ASIC2: variants seen among roughly 807,000 people sequenced by gnomAD.
ASIC2 encodes the protein acid-sensing ion channel 2.
Under a neutral mutation model 57.3 loss-of-function variants are expected in ASIC2, and 25 were observed. The observed-to-expected ratio is 0.44, with a 90% confidence interval of 0.32 to 0.61. ASIC2 has a LOEUF of 0.61. Among genes scored for constraint, ASIC2 ranks in the 20% least tolerant of loss-of-function variants. The pLI is 0.06. For synonymous variants in ASIC2, 319 were observed against 307.5 expected (o/e 1.04, Z -0.39); for missense variants, 641 against 738.1 (o/e 0.87, Z 1.52).
intron 1 of ASIC2, among the ~76,000 whole-genome samples, chr17:33,336,610 TC>T (rs1907523812): frequency 6.6e-6 from 1 of 152,140 alleles, no homozygotes. Context: ...TATCGTTTAG[TC>T]CCATTCCACA....
intron 1 of ASIC2, among the ~76,000 whole-genome samples, chr17:33,419,887 C>G (rs1379203553): frequency 2.6e-5 from 4 of 152,124 alleles, no homozygotes; most frequent in African/African-American, 9.6e-5. Flanking sequence ...AAACTACAGA[C>G]AGTGTGGTTC....
intron 1 of ASIC2, among the ~76,000 whole-genome samples, chr17:33,901,556 G>C (rs532359909): frequency 6.6e-6 from 1 of 152,132 alleles, no homozygotes; most frequent in Admixed American, 6.5e-5. Context: ...TAAAAAGATC[G>C]ATAAGACACA....
intron 1 of ASIC2, among the ~76,000 whole-genome samples, chr17:33,308,118 C>A (rs962730779): frequency 6.6e-6 from 1 of 152,138 alleles, no homozygotes; most frequent in Non-Finnish European, 1.5e-5. Flanking sequence ...CTTTTATAAA[C>A]AAATTGATAA....
At chr17:33,887,578 T>C (rs1914858429) in intron 1 of ASIC2, among the ~76,000 whole-genome samples, 1 of 152,164 alleles carries the variant, frequency 6.6e-6, no homozygotes, top group Non-Finnish European at 1.5e-5. Flanking sequence ...GTATGACTGG[T>C]GCTTTGGGTT....
chr17:33,579,412 AG>A (rs760903162), intron 1 of ASIC2, among the ~76,000 whole-genome samples: 1 of 152,010 alleles, frequency 6.6e-6, no homozygotes, highest in Non-Finnish European at 1.5e-5. Flanking sequence ...AGGGGAAGGT[AG>A]AAAACAAGGA....
intron 1 of ASIC2, among the ~76,000 whole-genome samples, chr17:33,376,688 A>G (rs17782182): frequency 0.23 from 35,712 of 152,090 alleles, 4,412 homozygotes; most frequent in Non-Finnish European, 0.27. Context: ...GATCTTGACC[A>G]TTTCACTACC....
chr17:33,891,171 A>C (rs971495821), intron 1 of ASIC2, among the ~76,000 whole-genome samples: 1 of 152,214 alleles, frequency 6.6e-6, no homozygotes, highest in Non-Finnish European at 1.5e-5. Flanking sequence ...ACAGGGAATT[A>C]GTCCCAGTGG....
At chr17:33,813,941 G>A (rs1226978055) in intron 1 of ASIC2, among the ~76,000 whole-genome samples, 1 of 152,126 alleles carries the variant, frequency 6.6e-6, no homozygotes, top group South Asian at 2.1e-4. Flanking sequence ...GGAGAATGAG[G>A]AAGGTCTCTG....
chr17:33,058,556 G>A (rs971160326), intron 3 of ASIC2, among the ~76,000 whole-genome samples: 2 of 150,632 alleles, frequency 1.3e-5, no homozygotes, highest in Non-Finnish European at 2.9e-5. Flanking sequence ...TCACTTTGAC[G>A]GAGCTCAGCT....
intron 3 of ASIC2, among the ~76,000 whole-genome samples, chr17:33,075,211 G>A (rs1451937968): frequency 6.6e-6 from 1 of 152,136 alleles, no homozygotes. Flanking sequence ...GTTTTATAAG[G>A]GGTTTCCCCT....
chr17:33,177,749 C>T (rs752439697), intron 1 of ASIC2, among the ~76,000 whole-genome samples: 9 of 152,142 alleles, frequency 5.9e-5, no homozygotes, highest in South Asian at 2.1e-4. Context: ...AATCTGGTAA[C>T]GGTGGAGACC....
chr17:33,278,475 C>T (rs1904799708), intron 1 of ASIC2, among the ~76,000 whole-genome samples: 1 of 139,768 alleles, frequency 7.2e-6, no homozygotes, highest in Non-Finnish European at 1.5e-5. Flanking sequence ...GTGACAGAGA[C>T]AGACCCTGTA....
chr17:34,094,667 T>C (rs1910456059), intron 1 of ASIC2, among the ~76,000 whole-genome samples: 1 of 152,180 alleles, frequency 6.6e-6, no homozygotes, highest in Admixed American at 6.5e-5. Flanking sequence ...ACCTTGCAAA[T>C]TATCTCCAAA....
At chr17:33,718,771 C>A (rs139915760) in intron 1 of ASIC2, among the ~76,000 whole-genome samples, 1 of 152,036 alleles carries the variant, frequency 6.6e-6, no homozygotes, top group Non-Finnish European at 1.5e-5. Flanking sequence ...TAGGCAAATG[C>A]GACACTCAGG....
At chr17:34,039,659 T>C in intron 1 of ASIC2, 1 of 1,612,894 alleles carries the variant, frequency 6.2e-7, no homozygotes, top group Non-Finnish European at 8.5e-7. Context: ...CCTTGGCTAC[T>C]TTCATATGGT....
rs183820153 is a variant in ASIC2, at chr17:33,833,485, T to A, written c.555+322493A>T. 3.6e-3 allele frequency among the ~76,000 whole-genome samples: 544 copies of A among 152,096 alleles called. 2 individuals carry two copies. Among genetic ancestry groups the A allele is most frequent in the Non-Finnish European group, 5.7e-3 (385 of 67,990 alleles). On this transcript the variant is annotated intron_variant, in intron 1 of 9. Transcript: ENST00000359872. ...ACGCTGTTTTAATGAGACCTTCCGT[T>A]CTCTTTGTCTGTGTGTGTGTGTATG...
chr17:34,156,710 T>C lies in ASIC2; in HGVS notation c.-178A>G. On this transcript the variant is annotated 5_prime_UTR_variant, in exon 1 of 10. Coordinates refer to the ASIC2 transcript ENST00000359872. This position sits in a 1 kb window ranked among gnomAD's most constrained non-coding sequence, Gnocchi z 4.4. ...AGCCGCACGCTGACAGGGGTGAGTGTTTATATAAAACCCATTCAAACTCTA... is the reference window on the plus strand; with the variant it reads ...AGCCGCACGCTGACAGGGGTGAGTGCTTATATAAAACCCATTCAAACTCTA... The C allele has an allele frequency of 1.5e-6, 1 of 647,152 alleles. No homozygotes were observed. 40.1% of individuals were successfully genotyped at this position (647,152 alleles called of 1,614,324 possible).
intron 1 of ASIC2, chr17:34,036,676 ATTTGT>A (rs1907892279): frequency 9.1e-6 from 1 of 110,092 alleles, no homozygotes; most frequent in South Asian, 3.0e-4. Context: ...GATACTTTGA[ATTTGT>A]TTTTTTTTTT....
At position 33,685,105 on chromosome 17, in the gene ASIC2, TC is replaced by T. The variant is rs1287959393; in HGVS notation, c.555+470872del. Among the ~76,000 whole-genome samples the T allele has an allele frequency of 1.1e-3, 165 of 152,244 alleles. 2 individuals carry two copies. Among genetic ancestry groups the T allele is most frequent in the Non-Finnish European group, 1.0e-4 (7 of 68,010 alleles). On this transcript the variant is annotated intron_variant, in intron 1 of 9. Transcript: ENST00000359872. ...TTTGGTCTAGTCCTCACGTTCTGGTTCCCCCTGGGGGGGCTTAGTCTTTCAC... is the reference window on the plus strand; with the variant it reads ...TTTGGTCTAGTCCTCACGTTCTGGTTCCCCTGGGGGGGCTTAGTCTTTCAC...
Sources: allele counts gnomAD v4.1 joint callset (sites outside exome capture counted in the v4.1 genomes callset), GRCh38; gene constraint gnomAD v4.1.1; non-coding constraint Gnocchi (gnomAD v3.1); transcripts MANE v1.5; gene names NCBI Gene and HGNC (gene_info 2026-07-23, HGNC 2026-07-21).